PTPRM: variants seen among roughly 807,000 people sequenced by gnomAD.
PTPRM encodes receptor-type tyrosine-protein phosphatase mu.
In PTPRM, 47 loss-of-function variants were observed where a neutral mutation model predicts 186.7. The ratio of observed to expected loss-of-function variants is 0.25; its 90% confidence interval spans 0.20 to 0.32. PTPRM has a LOEUF of 0.32. Among genes scored for constraint, PTPRM ranks in the 10% least tolerant of loss-of-function variants. PTPRM has a pLI of 1.00. For missense variants in PTPRM, 1,494 were observed against 1,865.0 expected (o/e 0.80, Z 3.66); for synonymous variants, 668 against 674.9 (o/e 0.99, Z 0.16).
At chr18:7,594,974 T>G (rs2037220138) in intron 1 of PTPRM, among the ~76,000 whole-genome samples, 1 of 152,188 alleles carries the variant, frequency 6.6e-6, no homozygotes, top group African/African-American at 2.4e-5. Context: ...ACAACAGTAG[T>G]ACTCTTGAAG....
chr18:8,257,925 C>T (rs761296475), intron 19 of PTPRM, among the ~76,000 whole-genome samples: 2 of 152,084 alleles, frequency 1.3e-5, no homozygotes, highest in Non-Finnish European at 2.9e-5. Flanking sequence ...GAAGTATGTC[C>T]GAACAAGAGC....
intron 2 of PTPRM, among the ~76,000 whole-genome samples, chr18:7,833,501 A>G (rs751895872): frequency 2.4e-4 from 36 of 152,264 alleles, no homozygotes; most frequent in Non-Finnish European, 4.6e-4. Flanking sequence ...TGTGAGGCCA[A>G]CGTGGGCAGA....
intron 23 of PTPRM, among the ~76,000 whole-genome samples, chr18:8,350,858 C>T (rs2095530684): frequency 6.6e-6 from 1 of 152,194 alleles, no homozygotes; most frequent in Admixed American, 6.5e-5. Flanking sequence ...GCTTTTGGTG[C>T]TGTCTGGCCC....
intron 1 of PTPRM, among the ~76,000 whole-genome samples, chr18:7,710,212 T>G (rs1386293849): frequency 6.6e-6 from 1 of 152,220 alleles, no homozygotes; most frequent in African/African-American, 2.4e-5. Flanking sequence ...TCAAGTGGGT[T>G]TCATACCAGG....
At chr18:7,878,388 A>C (rs963885162) in intron 2 of PTPRM, among the ~76,000 whole-genome samples, 4 of 152,196 alleles carry the variant, frequency 2.6e-5, no homozygotes, top group African/African-American at 7.2e-5. Flanking sequence ...CCTTCTGATC[A>C]AGCAGTGAAA....
At chr18:8,127,214 T>C (rs2092389614) in intron 13 of PTPRM, among the ~76,000 whole-genome samples, 1 of 152,106 alleles carries the variant, frequency 6.6e-6, no homozygotes, top group African/African-American at 2.4e-5. Context: ...CAGGAATTAA[T>C]ACAGTAAGTA....
intron 11 of PTPRM, among the ~76,000 whole-genome samples, chr18:8,110,865 C>A (rs144671243): frequency 1.5e-3 from 234 of 152,264 alleles, no homozygotes; most frequent in Non-Finnish European, 2.8e-3. Flanking sequence ...AAGAAGTTGA[C>A]TGTGGAAAGT....
chr18:7,795,420 T>C (rs956623380), intron 2 of PTPRM, among the ~76,000 whole-genome samples: 1 of 151,944 alleles, frequency 6.6e-6, no homozygotes. Flanking sequence ...TCTCTTTCTT[T>C]CCTGACAACA....
intron 7 of PTPRM, among the ~76,000 whole-genome samples, chr18:7,992,797 G>A (rs551456962): frequency 6.6e-6 from 1 of 151,976 alleles, no homozygotes; most frequent in South Asian, 2.1e-4. Flanking sequence ...TCAAAATAAA[G>A]ACCCAAAAAC....
chr18:8,164,968 T>G (rs756520053), intron 14 of PTPRM, among the ~76,000 whole-genome samples: 8 of 151,744 alleles, frequency 5.3e-5, no homozygotes, highest in Non-Finnish European at 8.8e-5. Context: ...ACCGAAACCA[T>G]CCTGGCCATC....
chr18:7,924,365 A>T (rs1423287974), intron 4 of PTPRM, among the ~76,000 whole-genome samples: 1 of 152,196 alleles, frequency 6.6e-6, no homozygotes, highest in Admixed American at 6.5e-5. Flanking sequence ...GATTTATTAG[A>T]AGAAATTTGT....
intron 2 of PTPRM, among the ~76,000 whole-genome samples, chr18:7,876,290 T>C (rs906551918): frequency 3.9e-5 from 6 of 152,190 alleles, no homozygotes; most frequent in Admixed American, 3.9e-4. Context: ...ACATATTAAT[T>C]TTCTGTAATG....
intron 14 of PTPRM, among the ~76,000 whole-genome samples, chr18:8,181,421 C>A (rs1004765976): frequency 2.6e-5 from 4 of 152,084 alleles, no homozygotes; most frequent in Non-Finnish European, 5.9e-5. Context: ...TCACAGAGGG[C>A]GGCGACCTCT....
intron 14 of PTPRM, among the ~76,000 whole-genome samples, chr18:8,177,043 C>A (rs1455138347): frequency 6.6e-6 from 1 of 152,094 alleles, no homozygotes; most frequent in African/African-American, 2.4e-5. Flanking sequence ...TTTCATATTT[C>A]TTCTGTCAAC....
intron 7 of PTPRM, among the ~76,000 whole-genome samples, chr18:7,980,609 C>A (rs1372464896): frequency 6.6e-6 from 1 of 152,094 alleles, no homozygotes. Flanking sequence ...GTCTTGAACT[C>A]CTGGGCTCAA....
At chr18:7,872,481 C>T (rs74346564) in intron 2 of PTPRM, among the ~76,000 whole-genome samples, 195 of 151,932 alleles carry the variant, frequency 1.3e-3, no homozygotes, top group African/African-American at 3.7e-3. Context: ...TTTTTTTACC[C>T]GGATTGAAAA....
At chr18:7,758,496 T>G (rs1459903558) in intron 1 of PTPRM, among the ~76,000 whole-genome samples, 1 of 152,184 alleles carries the variant, frequency 6.6e-6, no homozygotes, top group Non-Finnish European at 1.5e-5. Context: ...AATATCTCAG[T>G]GTTTAAAGGA....
chr18:7,642,609 G>A (rs973779764), intron 1 of PTPRM, among the ~76,000 whole-genome samples: 13 of 152,046 alleles, frequency 8.6e-5, no homozygotes, highest in African/African-American at 2.4e-4. Context: ...ACTGGTTTTT[G>A]TTTTTATTTT....
chr18:8,326,986 G>C (rs1407142144), intron 22 of PTPRM, among the ~76,000 whole-genome samples: 1 of 152,186 alleles, frequency 6.6e-6, no homozygotes, highest in Non-Finnish European at 1.5e-5. Flanking sequence ...ACAAAGCAGA[G>C]TAGGTCTTAC....
Sources: allele counts gnomAD v4.1 joint callset (sites outside exome capture counted in the v4.1 genomes callset), GRCh38; gene constraint gnomAD v4.1.1; transcripts MANE v1.5; gene names NCBI Gene and HGNC (gene_info 2026-07-23, HGNC 2026-07-21).